SDK1: variants seen among roughly 807,000 people sequenced by gnomAD.
SDK1 encodes the protein protein sidekick-1.
In SDK1, 157 loss-of-function variants were observed where a neutral mutation model predicts 245.5. The ratio of observed to expected loss-of-function variants is 0.64; its 90% confidence interval spans 0.56 to 0.73. SDK1 has a LOEUF of 0.73. Among genes scored for constraint, SDK1 ranks in the 30% least tolerant of loss-of-function variants. The probability of loss-of-function intolerance (pLI) is 0.00; values close to 1 mark genes in which losing one functional copy is unlikely to be tolerated. For synonymous variants in SDK1, 1,647 were observed against 1,278.5 expected (o/e 1.29, Z -6.15); for missense variants, 3,583 against 3,002.3 (o/e 1.19, Z -4.52).
At chr7:4,232,927 A>T (rs566292432) in intron 40 of SDK1, 1 of 188,532 alleles carries the variant, frequency 5.3e-6, no homozygotes, top group African/African-American at 2.3e-5. Flanking sequence ...ATGTTTTCTT[A>T]TATGTGAGGT....
intron 1 of SDK1, among the ~76,000 whole-genome samples, chr7:3,473,107 C>A (rs542296314): frequency 6.6e-6 from 1 of 152,124 alleles, no homozygotes; most frequent in Non-Finnish European, 1.5e-5. Flanking sequence ...ACACATTTAC[C>A]GGAGCATCAC....
intron 4 of SDK1, among the ~76,000 whole-genome samples, chr7:3,723,656 AGTT>A (rs1778893422): frequency 7.1e-6 from 1 of 140,316 alleles, no homozygotes; most frequent in Non-Finnish European, 1.5e-5. Context: ...AGTAAGTAAA[AGTT>A]GTGTGTGTGT....
chr7:3,846,285 T>TAAAAAAAA (rs1385284412), intron 5 of SDK1, among the ~76,000 whole-genome samples: 49 of 152,308 alleles, frequency 3.2e-4, no homozygotes, highest in African/African-American at 1.1e-3. Context: ...GGGATCTCAA[T>TAAAAAAAA]AAAGATTTCC....
chr7:4,258,855 T>G (rs191715994), intron 44 of SDK1, among the ~76,000 whole-genome samples: 138 of 152,380 alleles, frequency 9.1e-4, no homozygotes, highest in African/African-American at 3.2e-3. Context: ...AACCCCAGTT[T>G]GTGAAACCTA....
chr7:4,025,391 C>T (rs1002394715), intron 17 of SDK1, among the ~76,000 whole-genome samples: 10 of 152,188 alleles, frequency 6.6e-5, no homozygotes, highest in African/African-American at 2.4e-4. Flanking sequence ...CCAGCCGAGG[C>T]ACATAGCGGA....
At chr7:3,920,635 G>A (rs1160044772) in intron 5 of SDK1, among the ~76,000 whole-genome samples, 1 of 152,186 alleles carries the variant, frequency 6.6e-6, no homozygotes, top group East Asian at 1.9e-4. Context: ...CTATCCGGAG[G>A]CAAGGCGGCA....
intron 5 of SDK1, among the ~76,000 whole-genome samples, chr7:3,878,185 T>G (rs1781119430): frequency 6.6e-6 from 1 of 152,206 alleles, no homozygotes; most frequent in Admixed American, 6.5e-5. Flanking sequence ...TTCAATTTTT[T>G]TTTCATATTA....
chr7:3,391,187 A>G (rs1390397735), intron 1 of SDK1, among the ~76,000 whole-genome samples: 1 of 151,386 alleles, frequency 6.6e-6, no homozygotes, highest in Admixed American at 6.5e-5. Context: ...AAGTGGTACT[A>G]TGTCTTCTGC....
At chr7:4,173,911 G>A (rs113878105) in intron 32 of SDK1, among the ~76,000 whole-genome samples, 39 of 152,300 alleles carry the variant, frequency 2.6e-4, no homozygotes, top group African/African-American at 8.4e-4. Context: ...CCTCCTCGCC[G>A]TCTGTGTCTG....
At chr7:3,868,988 T>C (rs933621137) in intron 5 of SDK1, among the ~76,000 whole-genome samples, 4 of 152,134 alleles carry the variant, frequency 2.6e-5, no homozygotes, top group Non-Finnish European at 2.9e-5. Flanking sequence ...AAGGGAAATA[T>C]GAAGTCAGCC....
chr7:3,842,137 T>C (rs560087586), intron 5 of SDK1, among the ~76,000 whole-genome samples: 3 of 152,246 alleles, frequency 2.0e-5, no homozygotes, highest in African/African-American at 7.2e-5. Flanking sequence ...TGTTCAATAC[T>C]GTCCTTCCCA....
chr7:4,094,836 G>A (rs1397912374), intron 22 of SDK1, among the ~76,000 whole-genome samples: 1 of 152,212 alleles, frequency 6.6e-6, no homozygotes, highest in Non-Finnish European at 1.5e-5. Context: ...AAGGCAGAGA[G>A]GCAGAGGCTT....
chr7:3,787,340 C>T (rs1006761503), intron 4 of SDK1, among the ~76,000 whole-genome samples: 2 of 152,062 alleles, frequency 1.3e-5, no homozygotes, highest in Admixed American at 6.6e-5. Flanking sequence ...CTCAGGAAAA[C>T]ACAAAGAAAA....
intron 4 of SDK1, chr7:3,642,704 A>G (rs926622562): frequency 6.6e-6 from 1 of 152,242 alleles, no homozygotes; most frequent in South Asian, 2.1e-4. Flanking sequence ...CAAGATATTT[A>G]TCTAATGCCC....
chr7:3,619,040 G>A lies in SDK1; in HGVS notation c.299-40G>A, dbSNP rs377001183. ...AATTAGATGAGTGCCACTTTCATGC[G>A]TACTTCAGTTTTGTTTTGTTTTGTT... On this transcript the variant is annotated intron_variant, in intron 1 of 44. Coordinates refer to ENST00000404826, the MANE Select transcript of SDK1 (RefSeq NM_152744.4). The A allele has an allele frequency of 1.3e-4, 186 of 1,458,840 alleles. No homozygotes were observed. The Admixed American group carries it at 1.9e-3, about 15-fold the overall frequency. 90.4% of individuals were successfully genotyped at this position (1,458,840 alleles called of 1,614,324 possible). A position where few individuals can be genotyped will look rare whatever the true frequency, so the allele number is the denominator to read the frequency against.
chr7:3,850,192 C>T (rs1780383262), intron 5 of SDK1, among the ~76,000 whole-genome samples: 3 of 152,234 alleles, frequency 2.0e-5, no homozygotes, highest in South Asian at 4.1e-4. Context: ...CCCTGCCACT[C>T]ATCAGGCACA....
chr7:3,806,486 C>A (rs1161777056), intron 4 of SDK1, among the ~76,000 whole-genome samples: 1 of 152,240 alleles, frequency 6.6e-6, no homozygotes, highest in Non-Finnish European at 1.5e-5. Context: ...TGATGCTCAC[C>A]CTTCCCTGCC....
intron 1 of SDK1, among the ~76,000 whole-genome samples, chr7:3,546,877 A>G (rs1779241214): frequency 6.6e-6 from 1 of 152,212 alleles, no homozygotes. Context: ...TCATTTTGCA[A>G]GCATTTAAAA....
chr7:4,207,089 C>G (rs1007515004), intron 36 of SDK1, among the ~76,000 whole-genome samples: 2 of 152,234 alleles, frequency 1.3e-5, no homozygotes, highest in African/African-American at 4.8e-5. Flanking sequence ...CTTAGACGGT[C>G]AATTCAGTGA....
Sources: allele counts gnomAD v4.1 joint callset (sites outside exome capture counted in the v4.1 genomes callset), GRCh38; gene constraint gnomAD v4.1.1; transcripts MANE v1.5; gene names NCBI Gene and HGNC (gene_info 2026-07-23, HGNC 2026-07-21).